The following DLGAP2 variants were observed in gnomAD, a reference collection of about 807,000 sequenced individuals.
The protein encoded by DLGAP2 is disks large-associated protein 2.
In DLGAP2, 26 loss-of-function variants were observed where a neutral mutation model predicts 100.3. The observed-to-expected ratio is 0.26, with a 90% CI of 0.19 to 0.36. DLGAP2 has a LOEUF of 0.36. DLGAP2 is among the 10% of genes least tolerant of loss of function. The probability of loss-of-function intolerance (pLI) is 1.00; values close to 1 mark genes in which losing one functional copy is unlikely to be tolerated. For missense variants in DLGAP2, 1,858 were observed against 1,453.2 expected (o/e 1.28, Z -4.53); for synonymous variants, 886 against 630.1 (o/e 1.41, Z -6.08).
At chr8:1,473,298 G>C (rs528019965) in intron 3 of DLGAP2, among the ~76,000 whole-genome samples, 1 of 152,166 alleles carries the variant, frequency 6.6e-6, no homozygotes, top group Non-Finnish European at 1.5e-5. Context: ...CCCTTCAGGG[G>C]CTGAGTAGAT....
intron 3 of DLGAP2, among the ~76,000 whole-genome samples, chr8:1,350,319 C>G (rs58482949): frequency 6.9e-5 from 2 of 28,868 alleles, no homozygotes; most frequent in African/African-American, 1.1e-4. Context: ...GGGTCCTGAG[C>G]GTGCGTGGAA....
intron 12 of DLGAP2, among the ~76,000 whole-genome samples, chr8:1,681,331 TAA>T (rs61275138): frequency 6.6e-6 from 1 of 151,066 alleles, no homozygotes; most frequent in Admixed American, 6.6e-5. Flanking sequence ...AGATATCTTT[TAA>T]AAAAAAATAG....
chr8:855,870 T>G (rs900511709), intron 1 of DLGAP2, among the ~76,000 whole-genome samples: 3 of 152,120 alleles, frequency 2.0e-5, no homozygotes, highest in Non-Finnish European at 4.4e-5. Context: ...ATAAAAACTT[T>G]CAGTGAGCTA....
intron 3 of DLGAP2, among the ~76,000 whole-genome samples, chr8:1,411,809 C>T (rs1008088534): frequency 6.6e-6 from 1 of 152,240 alleles, no homozygotes; most frequent in Admixed American, 6.5e-5. Flanking sequence ...GTCTCTCTCA[C>T]TAAGGGTGAA....
In DLGAP2 at chr8:853,847, T is replaced by A. The variant is rs531400611; in HGVS notation, c.19-54065T>A. Among the ~76,000 whole-genome samples, 15 of 152,268 alleles carry A rather than the reference T, an allele frequency of 9.9e-5. No homozygotes were observed. In the South Asian group the frequency reaches 2.3e-3, roughly 23 times the overall value. On this transcript the variant is annotated intron_variant, in intron 1 of 14. Transcript: ENST00000637795. Reference sequence around the variant, plus strand: ...ATTCTCTCTGTGGTGGGCTGAAGGTTTGTCCCCCAGATTCATACCCTAACC... The same window carrying A: ...ATTCTCTCTGTGGTGGGCTGAAGGTATGTCCCCCAGATTCATACCCTAACC...
At chr8:1,382,465 G>C (rs1291864098) in intron 3 of DLGAP2, among the ~76,000 whole-genome samples, 1 of 152,242 alleles carries the variant, frequency 6.6e-6, no homozygotes. Flanking sequence ...GTCAGGCGCA[G>C]TGGCTCACAG....
intron 8 of DLGAP2, among the ~76,000 whole-genome samples, chr8:1,637,000 C>T (rs940286491): frequency 2.6e-5 from 4 of 152,236 alleles, no homozygotes; most frequent in Admixed American, 1.3e-4. Flanking sequence ...CTGCCGAGTG[C>T]GCAGCACCCC....
intron 2 of DLGAP2, among the ~76,000 whole-genome samples, chr8:911,617 A>G (rs2128999620): frequency 6.6e-6 from 1 of 151,808 alleles, no homozygotes; most frequent in East Asian, 2.0e-4. Context: ...AGAATGTTGG[A>G]AGGATGCATG....
chr8:1,057,575 T>G (rs967869279), intron 2 of DLGAP2, among the ~76,000 whole-genome samples: 1 of 152,220 alleles, frequency 6.6e-6, no homozygotes, highest in African/African-American at 2.4e-5. Flanking sequence ...TATGTCTATC[T>G]ATGGAAGAAG....
chr8:1,407,548 C>T (rs1346059484), intron 3 of DLGAP2, among the ~76,000 whole-genome samples: 93 of 130,420 alleles, frequency 7.1e-4, no homozygotes, highest in African/African-American at 2.4e-3. Flanking sequence ...GCTTACTGAG[C>T]GCCACCTCCT....
At chr8:1,242,254 A>T (rs4976873) in intron 2 of DLGAP2, among the ~76,000 whole-genome samples, 3,035 of 151,818 alleles carry the variant, frequency 0.02, 101 homozygotes, top group African/African-American at 0.068. Context: ...GGAAGAGGGG[A>T]GGTCGGGGGA....
intron 4 of DLGAP2, among the ~76,000 whole-genome samples, chr8:1,506,301 G>A (rs1030039348): frequency 8.5e-5 from 13 of 152,108 alleles, no homozygotes; most frequent in African/African-American, 1.2e-4. Flanking sequence ...TTTTCTTCAG[G>A]GAAATTTATA....
chr8:1,536,728 C>G (rs958381295), intron 4 of DLGAP2, among the ~76,000 whole-genome samples: 1 of 152,202 alleles, frequency 6.6e-6, no homozygotes, highest in Non-Finnish European at 1.5e-5. Flanking sequence ...TTTTGTCTCC[C>G]TTTTGCCCAA....
At chr8:1,585,879 C>CA (rs1796102864) in intron 6 of DLGAP2, among the ~76,000 whole-genome samples, 1 of 152,124 alleles carries the variant, frequency 6.6e-6, no homozygotes, top group African/African-American at 2.4e-5. Context: ...CTGGCATGTC[C>CA]ATCGCCAGGG....
intron 1 of DLGAP2, among the ~76,000 whole-genome samples, chr8:841,672 C>G (rs1220054310): frequency 1.3e-5 from 2 of 152,048 alleles, no homozygotes; most frequent in Admixed American, 1.3e-4. Flanking sequence ...GCCTTGAACT[C>G]CTGGGCTCAA....
At chr8:1,436,311 G>A (rs770414411) in intron 3 of DLGAP2, among the ~76,000 whole-genome samples, 2 of 152,220 alleles carry the variant, frequency 1.3e-5, no homozygotes, top group Admixed American at 6.5e-5. Flanking sequence ...GAAGAACTTG[G>A]AGTCTGATGT....
intron 13 of DLGAP2, among the ~76,000 whole-genome samples, chr8:1,695,207 G>A (rs996686664): frequency 1.8e-4 from 27 of 152,246 alleles, no homozygotes; most frequent in Non-Finnish European, 2.1e-4. Context: ...AGCCGTGCCC[G>A]GCCCTACAGA....
At chr8:1,166,963 C>G (rs949076965) in intron 2 of DLGAP2, among the ~76,000 whole-genome samples, 21 of 152,204 alleles carry the variant, frequency 1.4e-4, no homozygotes, top group African/African-American at 4.8e-4. Flanking sequence ...TAGGCAACAT[C>G]TCTGCAAAAA....
intron 1 of DLGAP2, among the ~76,000 whole-genome samples, chr8:882,271 G>T (rs1285600535): frequency 1.3e-5 from 2 of 151,898 alleles, no homozygotes; most frequent in Admixed American, 1.3e-4. Context: ...GGGCACCCGT[G>T]CCTGGCCCAG....
Sources: allele counts gnomAD v4.1 joint callset (sites outside exome capture counted in the v4.1 genomes callset), GRCh38; gene constraint gnomAD v4.1.1; transcripts MANE v1.5; gene names NCBI Gene and HGNC (gene_info 2026-07-23, HGNC 2026-07-21).